STPG2: variants seen among roughly 807,000 people sequenced by gnomAD.
STPG2 encodes the protein sperm tail PG-rich repeat containing 2, also known as sperm-tail PG-rich repeat-containing protein 2.
A neutral mutation model predicts 54.2 loss-of-function variants in STPG2; 56 were observed. That is an observed-to-expected ratio of 1.03 (90% CI 0.83 to 1.29). The LOEUF is 1.29. STPG2 is among the 50% of genes most tolerant of loss of function. STPG2 has a pLI of 0.00. For synonymous variants in STPG2, 200 were observed against 181.8 expected (o/e 1.10, Z -0.81); for missense variants, 596 against 544.9 (o/e 1.09, Z -0.93).
In STPG2 at chr4:97,472,745, G is replaced by A. The variant is rs116009254; in HGVS notation, c.462+239954C>T. On this transcript the variant is annotated intron_variant, in intron 4 of 4. Coordinates refer to the STPG2 transcript ENST00000522676. ...TGTTACTAAGTGAAAGAAGTCAAAC[G>A]GAAAGGCTACATGTGATTCATCCTA... Among the ~76,000 whole-genome samples the A allele has an allele frequency of 5.3e-3, 809 of 152,188 alleles. 5 individuals carry two copies. Among genetic ancestry groups the A allele is most frequent in the African/African-American group, 0.018 (762 of 41,536 alleles).
At position 97,712,740 on chromosome 4, in the gene STPG2, C is replaced by T. The variant is rs1724163923; in HGVS notation, c.1279G>A (p.Glu427Lys). 1 of 1,609,386 alleles carries T rather than the reference C, an allele frequency of 6.2e-7. No individual in the cohort carries two copies. The highest frequency in any genetic ancestry group is 8.5e-7 in the Non-Finnish European group (1 of 1,177,184). Residue 427 changes from glutamate (E) to lysine (K), a missense_variant, in exon 10 of 11, where the codon GAA becomes AAA. By Grantham distance (56) the Glu-to-Lys change is moderately conservative. Coordinates refer to ENST00000295268, the MANE Select transcript of STPG2 (RefSeq NM_174952.3). The part of the protein sequence containing the change: ...PLFVKASKRF[E>K]ESKEITPGPA... The stretch of plus-strand genomic sequence containing the variant: ...CCTGGAGTAATCTCTTTGGACTCTT[C>T]AAAGCGCTTTGATGCTTTCACAAAT...
chr4:97,791,821 A>T (rs1293487937), intron 9 of STPG2, among the ~76,000 whole-genome samples: 1 of 148,164 alleles, frequency 6.7e-6, no homozygotes, highest in Admixed American at 6.7e-5. Context: ...CATAACAAAT[A>T]AAAAAAAAAG....
intron 8 of STPG2, among the ~76,000 whole-genome samples, chr4:97,904,970 C>T (rs552197455): frequency 1.2e-3 from 176 of 152,158 alleles, no homozygotes; most frequent in Non-Finnish European, 1.9e-3. Flanking sequence ...AAGACAAAAT[C>T]TACGTCTGAT....
chr4:98,119,959 C>T (rs1482235142), intron 3 of STPG2, among the ~76,000 whole-genome samples: 1 of 152,144 alleles, frequency 6.6e-6, no homozygotes, highest in Non-Finnish European at 1.5e-5. Flanking sequence ...TATAGTATTC[C>T]ATGGCGTATA....
intron 5 of STPG2, among the ~76,000 whole-genome samples, chr4:98,028,425 T>C (rs1242824635): frequency 6.6e-6 from 1 of 152,134 alleles, no homozygotes; most frequent in African/African-American, 2.4e-5. Flanking sequence ...TCCACATAAT[T>C]ATGTAGGACA....
chr4:97,461,598 G>A (rs1729665410), intron 4 of STPG2, among the ~76,000 whole-genome samples: 1 of 152,136 alleles, frequency 6.6e-6, no homozygotes, highest in Admixed American at 6.6e-5. Flanking sequence ...AGCAAACTGC[G>A]AGAAAAAGAA....
At chr4:97,849,339 C>A (rs1320863238) in intron 8 of STPG2, among the ~76,000 whole-genome samples, 1 of 151,986 alleles carries the variant, frequency 6.6e-6, no homozygotes, top group Non-Finnish European at 1.5e-5. Context: ...CTAGGCATTA[C>A]CATTCAGGAC....
At chr4:97,460,489 A>G (rs183427824) in intron 4 of STPG2, among the ~76,000 whole-genome samples, 105 of 151,570 alleles carry the variant, frequency 6.9e-4, no homozygotes, top group African/African-American at 2.5e-3. Flanking sequence ...TTTTGGGACA[A>G]TCTCAACTAA....
intron 5 of STPG2, among the ~76,000 whole-genome samples, chr4:98,012,136 C>CATAA (rs1266733065): frequency 8.4e-6 from 1 of 118,404 alleles, no homozygotes; most frequent in East Asian, 2.3e-4. Flanking sequence ...TTGTATAATG[C>CATAA]ATAAGGGGTC....
chr4:97,815,016 G>A (rs1269204378), intron 9 of STPG2, among the ~76,000 whole-genome samples: 1 of 152,074 alleles, frequency 6.6e-6, no homozygotes, highest in Non-Finnish European at 1.5e-5. Context: ...TAAGGTCAAT[G>A]CAAAAGCACA....
intron 10 of STPG2, among the ~76,000 whole-genome samples, chr4:97,614,574 A>G (rs1343812852): frequency 6.6e-6 from 1 of 152,068 alleles, no homozygotes; most frequent in Non-Finnish European, 1.5e-5. Flanking sequence ...CATCCCAAAA[A>G]ACTGTTGCCA....
intron 10 of STPG2, among the ~76,000 whole-genome samples, chr4:97,668,553 T>C (rs1454802010): frequency 6.6e-6 from 1 of 150,428 alleles, no homozygotes; most frequent in Non-Finnish European, 1.5e-5. Flanking sequence ...ATAGCATGAA[T>C]TCAAGAATAG....
chr4:98,000,982 T>C (rs1735395759), intron 5 of STPG2, among the ~76,000 whole-genome samples: 1 of 152,172 alleles, frequency 6.6e-6, no homozygotes, highest in South Asian at 2.1e-4. Flanking sequence ...TATATTAGTA[T>C]TGCTTTGGAG....
intron 8 of STPG2, among the ~76,000 whole-genome samples, chr4:97,865,417 G>T (rs929543236): frequency 9.2e-5 from 14 of 152,040 alleles, no homozygotes; most frequent in Non-Finnish European, 2.1e-4. Flanking sequence ...AGAATGGTGA[G>T]CATTAAAAAG....
intron 10 of STPG2, among the ~76,000 whole-genome samples, chr4:97,570,505 C>G (rs991417193): frequency 1.7e-4 from 26 of 152,126 alleles, no homozygotes; most frequent in Middle Eastern, 6.8e-3. Flanking sequence ...AGATACCACT[C>G]TCTACTCTAG....
chr4:97,479,003 G>A (rs1730150567), intron 4 of STPG2, among the ~76,000 whole-genome samples: 1 of 150,000 alleles, frequency 6.7e-6, no homozygotes, highest in South Asian at 2.1e-4. Context: ...AATAATAATT[G>A]GATCCCTACA....
intron 10 of STPG2, among the ~76,000 whole-genome samples, chr4:97,560,539 T>A (rs1732200428): frequency 6.6e-6 from 1 of 152,194 alleles, no homozygotes; most frequent in African/African-American, 2.4e-5. Context: ...AATGAAAACA[T>A]GTTCCTCTTT....
chr4:98,015,143 A>G (rs1226015451), intron 5 of STPG2, among the ~76,000 whole-genome samples: 1 of 152,202 alleles, frequency 6.6e-6, no homozygotes, highest in East Asian at 1.9e-4. Flanking sequence ...GGACATAGGC[A>G]TTGGCAAAGA....
At chr4:97,507,969 G>T (rs1031133257) in intron 4 of STPG2, among the ~76,000 whole-genome samples, 3 of 151,842 alleles carry the variant, frequency 2.0e-5, no homozygotes, top group African/African-American at 7.3e-5. Context: ...TTAGCCGCCC[G>T]CTACTCCCCA....
Sources: allele counts gnomAD v4.1 joint callset (sites outside exome capture counted in the v4.1 genomes callset), GRCh38; gene constraint gnomAD v4.1.1; transcripts MANE v1.5; gene names NCBI Gene and HGNC (gene_info 2026-07-23, HGNC 2026-07-21).